LUZP2: variants seen among roughly 807,000 people sequenced by gnomAD.
The protein encoded by LUZP2 is leucine zipper protein 2.
In LUZP2, 52 loss-of-function variants were observed where a neutral mutation model predicts 51.6. The ratio of observed to expected loss-of-function variants is 1.01; its 90% confidence interval spans 0.81 to 1.27. The LOEUF is 1.27. Ranked by LOEUF, LUZP2 falls within the 50% of genes most tolerant of loss-of-function variation. LUZP2 has a pLI of 0.00. For synonymous variants in LUZP2, 154 were observed against 137.3 expected (o/e 1.12, Z -0.85); for missense variants, 436 against 395.4 (o/e 1.10, Z -0.87).
chr11:24,527,880 T>A (rs932649816), intron 1 of LUZP2, among the ~76,000 whole-genome samples: 1 of 151,324 alleles, frequency 6.6e-6, no homozygotes, highest in Admixed American at 6.6e-5. Flanking sequence ...AGGATACAAA[T>A]GGAGCTGAAT....
rs1424212370 is a variant in LUZP2 at position 24,867,521 on chromosome 11, T to C, written c.397-38470T>C. 2.0e-5 allele frequency among the ~76,000 whole-genome samples: 3 copies of C among 152,168 alleles called. No individual in the cohort carries two copies. The East Asian group carries it at 5.8e-4, about 29-fold the overall frequency. On this transcript the variant is annotated intron_variant, in intron 5 of 11. Transcript: ENST00000336930. ...TTGACCTACCCTTGCCATTGATGTT[T>C]ATTTTAGGTGTGGCTTCAGGCTGCA...
At position 24,933,426 on chromosome 11, in the gene LUZP2, C is replaced by T. The variant is rs977584030; in HGVS notation, c.522+18888C>T. ...AACTAAGCTCAGAGTTTTAAAGTAA[C>T]TTATTTATGACTACAAAACTTCAAT... On this transcript the variant is annotated intron_variant, in intron 7 of 11. Transcript: ENST00000336930. 2.6e-5 allele frequency among the ~76,000 whole-genome samples: 4 copies of T among 152,120 alleles called. No individual in the cohort carries two copies. In the East Asian group the frequency reaches 7.7e-4, roughly 29 times the overall value.
At chr11:24,856,163 C>T (rs962512422) in intron 5 of LUZP2, among the ~76,000 whole-genome samples, 1 of 151,992 alleles carries the variant, frequency 6.6e-6, no homozygotes, top group African/African-American at 2.4e-5. Context: ...CAGTGACACA[C>T]ACCTGCAGAA....
chr11:24,728,606 T>C (rs1458790786), intron 1 of LUZP2, among the ~76,000 whole-genome samples: 1 of 151,960 alleles, frequency 6.6e-6, no homozygotes, highest in Non-Finnish European at 1.5e-5. Context: ...TTTCATTTGT[T>C]CTCAAAATAA....
intron 5 of LUZP2, among the ~76,000 whole-genome samples, chr11:24,846,987 C>T (rs770805978): frequency 5.9e-5 from 9 of 151,452 alleles, no homozygotes; most frequent in South Asian, 2.1e-4. Flanking sequence ...ATATATAGTA[C>T]GTGTACAACA....
chr11:24,699,138 ACT>A lies in LUZP2; in HGVS notation c.63-30024_63-30023del, dbSNP rs1215527932. ...ACACACACACACACACGAAACAATA[ACT>A]CTCTCTATTCATTTGCAAACTACTG... is the stretch of plus-strand genomic sequence containing the variant. On this transcript the variant is annotated intron_variant, in intron 1 of 11. Coordinates refer to ENST00000336930, the MANE Select transcript of LUZP2 (RefSeq NM_001009909.4). 4.1e-5 allele frequency among the ~76,000 whole-genome samples: 6 copies of A among 148,046 alleles called. No homozygotes were observed. The South Asian group carries it at 1.3e-3, about 32-fold the overall frequency.
chr11:24,902,532 T>C (rs1853312997), intron 5 of LUZP2, among the ~76,000 whole-genome samples: 1 of 152,162 alleles, frequency 6.6e-6, no homozygotes, highest in Non-Finnish European at 1.5e-5. Flanking sequence ...TTATCAAAAC[T>C]CTAGCTTCAC....
In LUZP2 at chr11:24,809,397, T is replaced by C. The variant is rs116694002; in HGVS notation, c.396+46089T>C. 6.5e-3 allele frequency among the ~76,000 whole-genome samples: 994 copies of C among 152,262 alleles called. 9 individuals carry two copies. Among genetic ancestry groups the C allele is most frequent in the African/African-American group, 0.023 (941 of 41,566 alleles). On this transcript the variant is annotated intron_variant, in intron 5 of 11. Transcript: ENST00000336930. ...AGTTAGTTTCCTTTTTACTGCACAC[T>C]CTTTCAGCATGCCATTCTATTCCCA...
intron 4 of LUZP2, among the ~76,000 whole-genome samples, chr11:24,740,421 T>C (rs1859094990): frequency 6.6e-6 from 1 of 152,142 alleles, no homozygotes; most frequent in Non-Finnish European, 1.5e-5. Flanking sequence ...GCCTTCCTTA[T>C]GGCTGAACAC....
At chr11:24,701,941 T>C (rs1857433080) in intron 1 of LUZP2, among the ~76,000 whole-genome samples, 1 of 152,246 alleles carries the variant, frequency 6.6e-6, no homozygotes, top group African/African-American at 2.4e-5. Flanking sequence ...TTTAAAATTA[T>C]TTCTATTCCC....
chr11:24,958,771 G>C (rs1311517537), intron 7 of LUZP2, among the ~76,000 whole-genome samples: 1 of 152,120 alleles, frequency 6.6e-6, no homozygotes, highest in East Asian at 1.9e-4. Context: ...GATCCCATTT[G>C]TCAATTTTGG....
chr11:24,755,962 T>C (rs1859758430), intron 4 of LUZP2, among the ~76,000 whole-genome samples: 1 of 152,166 alleles, frequency 6.6e-6, no homozygotes, highest in Non-Finnish European at 1.5e-5. Flanking sequence ...ACTGCGAGCC[T>C]GGCACATTTT....
intron 1 of LUZP2, among the ~76,000 whole-genome samples, chr11:24,703,656 T>C (rs12574307): frequency 0.22 from 32,704 of 151,070 alleles, 3,689 homozygotes; most frequent in East Asian, 0.33. Context: ...CACTCTGTCT[T>C]TACTAAAAAT....
At chr11:24,700,159 T>G (rs1420862053) in intron 1 of LUZP2, among the ~76,000 whole-genome samples, 1 of 151,078 alleles carries the variant, frequency 6.6e-6, no homozygotes, top group Non-Finnish European at 1.5e-5. Context: ...CCTCCCAGAT[T>G]CAAGCAAGTC....
intron 1 of LUZP2, among the ~76,000 whole-genome samples, chr11:24,540,213 G>A (rs903360603): frequency 1.3e-5 from 2 of 151,964 alleles, no homozygotes; most frequent in African/African-American, 2.4e-5. Context: ...TTACAATTAC[G>A]ACTCTTCAAA....
At chr11:24,975,695 G>A (rs1028456533) in intron 7 of LUZP2, among the ~76,000 whole-genome samples, 1 of 152,072 alleles carries the variant, frequency 6.6e-6, no homozygotes, top group Non-Finnish European at 1.5e-5. Flanking sequence ...AAAGTCAAGG[G>A]CTTTGCCCAA....
chr11:24,942,480 A>G (rs566462747), intron 7 of LUZP2, among the ~76,000 whole-genome samples: 4 of 152,206 alleles, frequency 2.6e-5, no homozygotes, highest in African/African-American at 9.6e-5. Context: ...TCATGTGCCT[A>G]GTTTTCATTT....
At chr11:24,736,478 T>A (rs1323337626) in intron 3 of LUZP2, among the ~76,000 whole-genome samples, 1 of 10,296 alleles carries the variant, frequency 9.7e-5, no homozygotes, top group Non-Finnish European at 3.2e-4. Context: ...GGTCCTTCCT[T>A]CCTTCCTTCC....
At chr11:24,925,676 T>G (rs1209941697) in intron 7 of LUZP2, among the ~76,000 whole-genome samples, 1 of 152,114 alleles carries the variant, frequency 6.6e-6, no homozygotes, top group Admixed American at 6.5e-5. Context: ...ATGTGAGAAT[T>G]CTTCAAATAG....
Sources: gnomAD v4.1 joint callset for allele counts (sites outside exome capture counted in the v4.1 genomes callset) on GRCh38, gnomAD v4.1.1 for gene constraint, MANE v1.5 for transcripts, NCBI Gene and HGNC (gene_info 2026-07-23, HGNC 2026-07-21) for gene names.